The following GLIS3 variants were observed in gnomAD, a reference collection of about 807,000 sequenced individuals.
GLIS3 encodes GLIS family zinc finger 3.
A neutral mutation model predicts 78.6 loss-of-function variants in GLIS3; 53 were observed. The observed-to-expected ratio is 0.67, with a 90% CI of 0.54 to 0.85. GLIS3 has a LOEUF of 0.85. GLIS3 is among the 40% of genes least tolerant of loss of function. The pLI, the probability that GLIS3 is intolerant of heterozygous loss-of-function variation, is 0.00. For synonymous variants in GLIS3, 684 were observed against 509.9 expected (o/e 1.34, Z -4.60); for missense variants, 1,703 against 1,231.1 (o/e 1.38, Z -5.74).
chr9:4,394,758 C>T, the GLIS3 span, among the ~76,000 whole-genome samples: 1 of 152,196 alleles, frequency 6.6e-6, no homozygotes, highest in African/African-American at 2.4e-5. Flanking sequence ...TATGCAAGCA[C>T]ATTTTCCATT....
At chr9:4,133,861 CACACACACACACA>C (rs1564098461) in intron 2 of GLIS3, among the ~76,000 whole-genome samples, 16 of 147,734 alleles carry the variant, frequency 1.1e-4, no homozygotes, top group African/African-American at 2.0e-4. Flanking sequence ...CACACACACA[CACACACACACACA>C]CCGTACATCT....
At chr9:4,353,713 G>C in the GLIS3 span, among the ~76,000 whole-genome samples, 1 of 152,174 alleles carries the variant, frequency 6.6e-6, no homozygotes, top group South Asian at 2.1e-4. Flanking sequence ...CCACACAGCA[G>C]AATAGTCCTC....
At chr9:4,318,397 C>T (rs577156593) in intron 2 of GLIS3, among the ~76,000 whole-genome samples, 31 of 152,168 alleles carry the variant, frequency 2.0e-4, no homozygotes, top group East Asian at 3.9e-4. Context: ...AAAGGAAGCA[C>T]GGAGAAATGG....
At chr9:3,914,009 C>T (rs184518380) in intron 6 of GLIS3, among the ~76,000 whole-genome samples, 2 of 152,280 alleles carry the variant, frequency 1.3e-5, no homozygotes, top group East Asian at 3.9e-4. Flanking sequence ...GAAATCACGT[C>T]ACATGCAACA....
chr9:4,356,787 A>C, the GLIS3 span, among the ~76,000 whole-genome samples: 1 of 152,258 alleles, frequency 6.6e-6, no homozygotes. Context: ...AACATCAGTA[A>C]GAAAATCTCT....
chr9:4,201,585 T>A lies in GLIS3; in HGVS notation c.389-75644A>T, dbSNP rs185976572. On this transcript the variant is annotated intron_variant, in intron 2 of 10. Coordinates refer to ENST00000381971, the MANE Select transcript of GLIS3 (RefSeq NM_001042413.2). ...ATTAAGAACAAAATCCGAGTCACAATAGCCACACAAAGAATACAATACCCA... is the reference window on the plus strand; with the variant it reads ...ATTAAGAACAAAATCCGAGTCACAAAAGCCACACAAAGAATACAATACCCA... 2.0e-4 allele frequency among the ~76,000 whole-genome samples: 30 copies of A among 152,220 alleles called. No homozygotes were observed. The East Asian group carries it at 5.8e-3, about 29-fold the overall frequency.
At chr9:4,365,213 A>G in the GLIS3 span, among the ~76,000 whole-genome samples, 1 of 152,210 alleles carries the variant, frequency 6.6e-6, no homozygotes, top group Non-Finnish European at 1.5e-5. Context: ...GGCTTATACC[A>G]TGCAAAAGAT....
intron 6 of GLIS3, among the ~76,000 whole-genome samples, chr9:3,925,699 G>A (rs1246161008): frequency 6.6e-6 from 1 of 152,106 alleles, no homozygotes; most frequent in Non-Finnish European, 1.5e-5. Flanking sequence ...CCTCAACCTT[G>A]AACTTAAACA....
At chr9:4,247,553 T>G (rs941485387) in intron 2 of GLIS3, among the ~76,000 whole-genome samples, 8 of 152,186 alleles carry the variant, frequency 5.3e-5, no homozygotes, top group Admixed American at 2.0e-4. Flanking sequence ...CCTAGGAATG[T>G]TCATTCCTGT....
the GLIS3 span, among the ~76,000 whole-genome samples, chr9:4,382,866 G>A: frequency 6.6e-6 from 1 of 152,188 alleles, no homozygotes; most frequent in Non-Finnish European, 1.5e-5. Flanking sequence ...CATGAGGGAA[G>A]ATTCCCAGGA....
chr9:4,378,175 T>A, the GLIS3 span, among the ~76,000 whole-genome samples: 1 of 152,146 alleles, frequency 6.6e-6, no homozygotes, highest in Non-Finnish European at 1.5e-5. Context: ...TGAAAGTAAT[T>A]TTAATGAGCA....
At chr9:4,287,452 C>T (rs566877222) in intron 1 of GLIS3, among the ~76,000 whole-genome samples, 1 of 152,214 alleles carries the variant, frequency 6.6e-6, no homozygotes. Flanking sequence ...GAAGGCCCCT[C>T]CTTCCCTTGA....
At position 3,879,413 on chromosome 9, in the gene GLIS3, A is replaced by T. The variant is rs925800369; in HGVS notation, c.2297+14T>A. ...CGGCGACACCTATTAGGAGAGAGAG[A>T]CAGATGGCCTTACCTCTCAGCTCCT... is the stretch of plus-strand genomic sequence containing the variant. On this transcript the variant is annotated intron_variant, in intron 8 of 10. Transcript: ENST00000381971. The T allele has an allele frequency of 6.2e-7, 1 of 1,613,248 alleles. No individual in the cohort carries two copies. The highest frequency in any genetic ancestry group is 8.5e-7 in the Non-Finnish European group (1 of 1,179,584).
At chr9:4,235,099 C>T (rs1822593311) in intron 2 of GLIS3, among the ~76,000 whole-genome samples, 1 of 152,036 alleles carries the variant, frequency 6.6e-6, no homozygotes, top group Non-Finnish European at 1.5e-5. Context: ...GAGATCGAGA[C>T]CATCCTGGCT....
At chr9:4,358,233 C>T in the GLIS3 span, among the ~76,000 whole-genome samples, 5 of 152,030 alleles carry the variant, frequency 3.3e-5, no homozygotes, top group African/African-American at 9.7e-5. Context: ...TGAGACTGGT[C>T]GCCAGAGTAA....
chr9:4,154,582 C>G (rs149306823), intron 2 of GLIS3, among the ~76,000 whole-genome samples: 1 of 148,044 alleles, frequency 6.8e-6, no homozygotes, highest in African/African-American at 2.5e-5. Context: ...GAGTTAAAGA[C>G]TTACATAAAC....
chr9:4,010,850 A>C (rs1821946494), intron 4 of GLIS3, among the ~76,000 whole-genome samples: 1 of 152,200 alleles, frequency 6.6e-6, no homozygotes, highest in Admixed American at 6.5e-5. Flanking sequence ...TGAACCCATG[A>C]ACCTGATGGA....
chr9:4,290,724 C>T (rs1483044584), intron 1 of GLIS3, among the ~76,000 whole-genome samples: 3 of 152,118 alleles, frequency 2.0e-5, no homozygotes, highest in African/African-American at 4.8e-5. Context: ...AAACAAAAAC[C>T]AATCACGTAA....
At chr9:4,322,299 T>G (rs960839182) in intron 2 of GLIS3, among the ~76,000 whole-genome samples, 1 of 152,238 alleles carries the variant, frequency 6.6e-6, no homozygotes, top group African/African-American at 2.4e-5. Flanking sequence ...TTGGGTTGGT[T>G]CGAAGTCTGT....
Sources: gnomAD v4.1 joint callset for allele counts (sites outside exome capture counted in the v4.1 genomes callset) on GRCh38, gnomAD v4.1.1 for gene constraint, MANE v1.5 for transcripts, NCBI Gene and HGNC (gene_info 2026-07-23, HGNC 2026-07-21) for gene names.